Variants in SLC9A6 observed in about 807,000 individuals in gnomAD.
SLC9A6 encodes sodium/hydrogen exchanger 6.
A neutral mutation model predicts 45.3 loss-of-function variants in SLC9A6; 6 were observed. The observed-to-expected ratio is 0.13, with a 90% CI of 0.07 to 0.26. The LOEUF is 0.26. Among genes scored for constraint, SLC9A6 ranks in the 10% least tolerant of loss-of-function variants. SLC9A6 has a pLI of 1.00. For synonymous variants in SLC9A6, 191 were observed against 187.7 expected, an observed-to-expected ratio of 1.02 and a Z score of -0.14; for missense variants, 278 against 503.7, an observed-to-expected ratio of 0.55 and a Z score of 4.29.
rs1347338196 is a variant in SLC9A6, at chrX:136,038,417, T to C, written c.1662-1659T>C. Among the ~76,000 whole-genome samples, 3 of 112,380 alleles carry C rather than the reference T, an allele frequency of 2.7e-5. No homozygotes were observed. The Admixed American group carries it at 2.8e-4, about 11-fold the overall frequency. ...CACTTGGTCATGATGTGTTATCCTT[T>C]GTGTATATCTCTGGATTTAATTTGC... is the stretch of plus-strand genomic sequence containing the variant. On this transcript the variant is annotated intron_variant, in intron 16 of 17. Transcript: ENST00000630721.
chrX:136,017,407 G>T (rs1336129197), intron 11 of SLC9A6, among the ~76,000 whole-genome samples: 1 of 106,093 alleles, frequency 9.4e-6, no homozygotes, highest in Non-Finnish European at 1.9e-5. Flanking sequence ...GACAAAGGGA[G>T]ACCCTGTCTC....
At chrX:135,992,764 A>G (rs1366350773) in intron 2 of SLC9A6, among the ~76,000 whole-genome samples, 1 of 111,945 alleles carries the variant, frequency 8.9e-6, no homozygotes, top group Non-Finnish European at 1.9e-5. Context: ...GTATACATAT[A>G]TATATATAGC....
At chrX:135,988,799 T>TG (rs1371070180) in intron 2 of SLC9A6, among the ~76,000 whole-genome samples, 7 of 107,880 alleles carry the variant, frequency 6.5e-5, no homozygotes, top group South Asian at 4.0e-4. Flanking sequence ...GACGCGAGTG[T>TG]GGGGGGGTCT....
At chrX:135,990,450 G>A (rs1485302538) in intron 2 of SLC9A6, among the ~76,000 whole-genome samples, 2 of 112,227 alleles carry the variant, frequency 1.8e-5, no homozygotes, top group Non-Finnish European at 3.8e-5. Flanking sequence ...TCTATGACTA[G>A]GATTTGGCCT....
chrX:136,038,726 GTTTTTTTTTCTT>G (rs1357688512), intron 16 of SLC9A6, among the ~76,000 whole-genome samples: 11 of 104,452 alleles, frequency 1.1e-4, no homozygotes, highest in East Asian at 9.1e-4. Context: ...GACTATCTAG[GTTTTTTTTTCTT>G]TTTTTTTTTC....
At chrX:136,019,555 C>A (rs2071084466) in intron 11 of SLC9A6, among the ~76,000 whole-genome samples, 1 of 112,297 alleles carries the variant, frequency 8.9e-6, no homozygotes. Context: ...GCCACGTTGG[C>A]CCACATGTTT....
chrX:135,979,778 T>C (rs1450593329), intron 1 of SLC9A6, among the ~76,000 whole-genome samples: 1 of 112,265 alleles, frequency 8.9e-6, no homozygotes, highest in Non-Finnish European at 1.9e-5. Context: ...TTTCTTTTCT[T>C]TTCTTGAAAT....
chrX:136,005,693 A>AAG (rs1556617889), intron 7 of SLC9A6, among the ~76,000 whole-genome samples: 6 of 108,551 alleles, frequency 5.5e-5, no homozygotes, highest in South Asian at 3.9e-4. Flanking sequence ...AAAAAAAAAA[A>AAG]AGAGAGAGAG....
intron 1 of SLC9A6, among the ~76,000 whole-genome samples, chrX:135,979,020 C>T (rs1161235419): frequency 2.7e-5 from 3 of 110,523 alleles, no homozygotes; most frequent in Non-Finnish European, 3.8e-5. Context: ...GCATTTCTTC[C>T]CTGCTTTGTA....
In SLC9A6 at chrX:136,000,871, G is replaced by A. The variant is rs782637142; in HGVS notation, c.638-1237G>A. On this transcript the variant is annotated intron_variant, in intron 6 of 17. Coordinates refer to ENST00000630721, the MANE Select transcript of SLC9A6 (RefSeq NM_001379110.1). ...ATGGTGGCTCATGTCTTTAATCCCA[G>A]TGACTCAGGAGGCTGAGGCAGGAGG... 2.9e-4 allele frequency among the ~76,000 whole-genome samples: 32 copies of A among 111,289 alleles called. No homozygotes were observed. The East Asian group carries it at 8.4e-3, about 29-fold the overall frequency.
intron 10 of SLC9A6, among the ~76,000 whole-genome samples, chrX:136,016,419 C>T (rs987167828): frequency 4.6e-5 from 5 of 109,783 alleles, no homozygotes; most frequent in South Asian, 8.0e-4. Context: ...GAAGATGGGG[C>T]TTTGAAGAAG....
intron 13 of SLC9A6, among the ~76,000 whole-genome samples, chrX:136,024,707 T>C (rs782070445): frequency 6.8e-4 from 76 of 112,060 alleles, no homozygotes; most frequent in Non-Finnish European, 1.3e-3. Flanking sequence ...ATACATGATA[T>C]ATATTTTTGA....
chrX:135,977,829 A>G (rs73226736), intron 1 of SLC9A6, among the ~76,000 whole-genome samples: 11,026 of 111,439 alleles, frequency 0.099, 472 homozygotes, highest in Admixed American at 0.15. Flanking sequence ...ATCTGAGTAA[A>G]CAGTACTGTG....
At chrX:135,976,021 A>C (rs1556613309) in intron 1 of SLC9A6, among the ~76,000 whole-genome samples, 2 of 109,352 alleles carry the variant, frequency 1.8e-5, no homozygotes. Context: ...GACATCTAAA[A>C]TTAATCATAT....
At chrX:135,975,177 T>C (rs1041296291) in intron 1 of SLC9A6, 2 of 112,932 alleles carry the variant, frequency 1.8e-5, no homozygotes, top group Non-Finnish European at 3.7e-5. Context: ...ATTTATTTCC[T>C]GTGGCACTTA....
chrX:136,045,635 T>C lies in SLC9A6; in HGVS notation c.*911T>C, dbSNP rs1556623454. On this transcript the variant is annotated 3_prime_UTR_variant, in exon 18 of 18. Transcript: ENST00000630721. ...GCTTAATTTTTGATTATGTACTTTA[T>C]CTGTATAGCAGGCTTTGTCGTCAGA... is the stretch of plus-strand genomic sequence containing the variant. 1 of 112,895 alleles carries C rather than the reference T, an allele frequency of 8.9e-6. No individual in the cohort carries two copies. The highest frequency in any genetic ancestry group is 3.2e-5 in the African/African-American group (1 of 30,979). The allele number at this position is 112,895 out of a possible 1,213,427, so 9.3% of individuals were successfully genotyped here. A position where few individuals can be genotyped will look rare whatever the true frequency, so the allele number is the denominator to read the frequency against.
Position 135,998,122 on chromosome X carries a change from A to G in SLC9A6, c.384A>G (p.Pro128=). 9.2e-7 allele frequency: 1 copy of G among 1,084,412 alleles called. No homozygotes were observed. Among genetic ancestry groups the G allele is most frequent in the East Asian group, 3.0e-5 (1 of 33,227 alleles). The allele number at this position is 1,084,412 out of a possible 1,213,427, so 89.4% of individuals were successfully genotyped here. ...TATTTTAACAGGTTACTTTTGATCCAGAAGTATTTTTCAACATATTACTTC... is the reference window on the plus strand; with the variant it reads ...TATTTTAACAGGTTACTTTTGATCCGGAAGTATTTTTCAACATATTACTTC... ...NEMLRKVTFD[P]EVFFNILLPP... Residue 128 remains proline (P), a synonymous_variant, in exon 4 of 18, where the codon CCA becomes CCG. Transcript: ENST00000630721.
chrX:135,998,474 T>TG lies in SLC9A6; in HGVS notation c.448-8_448-7insG, dbSNP rs782131315. 3.5e-6 allele frequency: 4 copies of TG among 1,149,853 alleles called. No individual in the cohort carries two copies. Among genetic ancestry groups the TG allele is most frequent in the Admixed American group, 2.9e-5 (1 of 34,355 alleles). 94.8% of individuals were successfully genotyped at this position (1,149,853 alleles called of 1,213,427 possible). ...ATTCTAACAGTGTAACTTTTTTTTT[T>TG]TTGTCAGAGACATTTTTTTCGAAAT... On this transcript the variant is annotated splice_polypyrimidine_tract_variant and splice_region_variant and intron_variant, in intron 4 of 17. Transcript: ENST00000630721.
At chrX:136,013,201 A>T (rs2070956065) in intron 9 of SLC9A6, 147 bp downstream of exon 9, 2 of 703,880 alleles carry the variant, frequency 2.8e-6, no homozygotes, top group East Asian at 3.2e-5. Context: ...ATAAAAAAAA[A>T]TTTTCAGTGG....
Sources: allele counts gnomAD v4.1 joint callset (sites outside exome capture counted in the v4.1 genomes callset), GRCh38; gene constraint gnomAD v4.1.1; transcripts MANE v1.5; gene names NCBI Gene and HGNC (gene_info 2026-07-23, HGNC 2026-07-21).